CLEC2D: variants seen among roughly 807,000 people sequenced by gnomAD.
CLEC2D encodes C-type lectin related f.
Under a neutral mutation model 20.0 loss-of-function variants are expected in CLEC2D, and 16 were observed. The ratio of observed to expected loss-of-function variants is 0.80; its 90% CI spans 0.54 to 1.22. The LOEUF (loss-of-function observed/expected upper bound fraction) is 1.22. Ranked by LOEUF, CLEC2D falls within the 50% of genes most tolerant of loss-of-function variation. CLEC2D has a pLI of 0.00. For synonymous variants in CLEC2D, 77 were observed against 71.1 expected (o/e 1.08, Z -0.42); for missense variants, 207 against 221.5 (o/e 0.93, Z 0.42).
rs148376457 is a variant in CLEC2D, at chr12:9,692,124, TTTCG to T, written c.358-685_358-682del. ...TTCTTTCTTTCTTTCTTTCTCTTTC[TTTCG>T]TTCGTTCGTTCGTTCGTTTCTTTTT... On this transcript the variant is annotated intron_variant, in intron 3 of 4. Transcript: ENST00000290855. Among the ~76,000 whole-genome samples the T allele has an allele frequency of 7.4e-3, 1,131 of 152,190 alleles. 9 individuals are homozygous for T. Among genetic ancestry groups the T allele is most frequent in the African/African-American group, 0.024 (1,000 of 41,514 alleles).
intron 3 of CLEC2D, among the ~76,000 whole-genome samples, chr12:9,691,569 A>G (rs1403989670): frequency 6.6e-6 from 1 of 152,222 alleles, no homozygotes; most frequent in Non-Finnish European, 1.5e-5. Context: ...TTTTGCAATT[A>G]CAATGGAATG....
intron 1 of CLEC2D, among the ~76,000 whole-genome samples, chr12:9,674,365 C>A (rs1204788512): frequency 1.3e-5 from 2 of 152,232 alleles, no homozygotes; most frequent in African/African-American, 4.8e-5. Context: ...AGTCTCCCCA[C>A]CCTGTGCAGC....
At chr12:9,680,579 A>G (rs971873694) in intron 1 of CLEC2D, among the ~76,000 whole-genome samples, 1 of 152,192 alleles carries the variant, frequency 6.6e-6, no homozygotes, top group Non-Finnish European at 1.5e-5. Context: ...TCATTTAAAA[A>G]TATTTCTTTA....
intron 3 of CLEC2D, among the ~76,000 whole-genome samples, chr12:9,691,491 T>TTAAAAA (rs71045287): frequency 0.06 from 9,198 of 152,266 alleles, 316 homozygotes; most frequent in Non-Finnish European, 0.084. Context: ...TGGAACATTC[T>TTAAAAA]TAAACCATAT....
chr12:9,699,025 T>C lies in CLEC2D; in HGVS notation c.*4151T>C, dbSNP rs1294127006. ...AATGAAGTCTCTTAACCCACCTGGA[T>C]AGATTTTTCTCACAAACCATTGTCT... On this transcript the variant is annotated 3_prime_UTR_variant, in exon 5 of 5. Coordinates refer to ENST00000290855, the MANE Select transcript of CLEC2D (RefSeq NM_013269.6). 4.6e-5 allele frequency: 7 copies of C among 152,192 alleles called. No homozygotes were observed. Among genetic ancestry groups the C allele is most frequent in the Non-Finnish European group, 8.8e-5 (6 of 68,040 alleles). The allele number at this position is 152,192 out of a possible 1,614,324, so 9.4% of individuals were successfully genotyped here.
At position 9,696,013 on chromosome 12, in the gene CLEC2D, A is replaced by G; in HGVS notation, c.*1139A>G. 1 of 1,453,834 alleles carries G rather than the reference A, an allele frequency of 6.9e-7. No individual in the cohort carries two copies. The highest frequency in any genetic ancestry group is 1.1e-5 in the South Asian group (1 of 88,142). The allele number at this position is 1,453,834 out of a possible 1,614,324, so 90.1% of individuals were successfully genotyped here. On this transcript the variant is annotated 3_prime_UTR_variant, in exon 5 of 5. Transcript: ENST00000290855. Reference sequence around the variant, plus strand: ...AAAACCATCATCAACACCAAGATCAAAAGGACAAGAATCCTTCAAAAAACA... The same window carrying G: ...AAAACCATCATCAACACCAAGATCAGAAGGACAAGAATCCTTCAAAAAACA...
intron 2 of CLEC2D, among the ~76,000 whole-genome samples, chr12:9,685,687 T>G (rs989968682): frequency 2.0e-5 from 3 of 152,066 alleles, no homozygotes; most frequent in African/African-American, 4.8e-5. Context: ...GCCTCAGTAA[T>G]GGCGGATGCA....
In CLEC2D at chr12:9,694,894, A is replaced by G. The variant is rs1200033409; in HGVS notation, c.*20A>G. The G allele has an allele frequency of 9.2e-6, 12 of 1,302,534 alleles. No individual in the cohort carries two copies. Among genetic ancestry groups the G allele is most frequent in the Admixed American group, 8.4e-5 (5 of 59,262 alleles). 80.7% of individuals were successfully genotyped at this position (1,302,534 alleles called of 1,614,324 possible). A position where few individuals can be genotyped will look rare whatever the true frequency, so the allele number is the denominator to read the frequency against. On this transcript the variant is annotated 3_prime_UTR_variant, in exon 5 of 5. Coordinates refer to ENST00000290855, the MANE Select transcript of CLEC2D (RefSeq NM_013269.6). ...GTCTAGATGTTACAGCAAAGCCCCA[A>G]CTAATCTTTAGAAGCATATTGGAAC...
rs138076848 is a variant in CLEC2D, at chr12:9,673,052, A to G, written c.61+3257A>G. On this transcript the variant is annotated intron_variant, in intron 1 of 4. Coordinates refer to ENST00000290855, the MANE Select transcript of CLEC2D (RefSeq NM_013269.6). ...AAATTCGTTATTACCAACTTTCTGA[A>G]GCCTACTTCTGTCAGTTTATCCATC... 3.1e-3 allele frequency among the ~76,000 whole-genome samples: 467 copies of G among 152,276 alleles called. 2 individuals carry two copies. Among genetic ancestry groups the G allele is most frequent in the African/African-American group, 0.011 (438 of 41,540 alleles).
intron 1 of CLEC2D, among the ~76,000 whole-genome samples, chr12:9,678,963 T>C (rs1865578283): frequency 6.6e-6 from 1 of 152,226 alleles, no homozygotes. Context: ...TACCCTAGTG[T>C]TTGCAATATA....
chr12:9,676,190 G>T (rs945541951), intron 1 of CLEC2D, among the ~76,000 whole-genome samples: 3 of 152,152 alleles, frequency 2.0e-5, no homozygotes, highest in Non-Finnish European at 4.4e-5. Context: ...ATGTTGTAAA[G>T]TATTGGCGAG....
In CLEC2D at chr12:9,694,851, T is replaced by A; in HGVS notation, c.553T>A (p.Ser185Thr). ...RHYTERKWIC[S>T]KSDIHV ...CTACACAGAGAGGAAGTGGATTTGT[T>A]CCAAATCAGATATACATGTCTAGAT... The change falls in exon 5 of 5, where the codon TCC becomes ACC. Residue 185 changes from serine (S) to threonine (T), a missense_variant. Transcript: ENST00000290855. 2 of 1,604,070 alleles carry A rather than the reference T, an allele frequency of 1.2e-6. No homozygotes were observed. Among genetic ancestry groups the A allele is most frequent in the Non-Finnish European group, 1.7e-6 (2 of 1,171,110 alleles).
Position 9,678,782 on chromosome 12 carries a change from C to G in CLEC2D, c.62-2141C>G, listed in dbSNP as rs779105337. The stretch of plus-strand genomic sequence containing the variant: ...TCTTGAACTTCTGGCCTCAAATGAT[C>G]CTCCTGCCTCAGTGTCTCAAAGGGT... On this transcript the variant is annotated intron_variant, in intron 1 of 4. Coordinates refer to ENST00000290855, the MANE Select transcript of CLEC2D (RefSeq NM_013269.6). 3.9e-5 allele frequency among the ~76,000 whole-genome samples: 6 copies of G among 152,302 alleles called. No individual in the cohort carries two copies. In the East Asian group the frequency reaches 1.2e-3, roughly 29 times the overall value.
At chr12:9,684,935 A>G (rs775700901) in intron 2 of CLEC2D, among the ~76,000 whole-genome samples, 1 of 152,136 alleles carries the variant, frequency 6.6e-6, no homozygotes, top group Admixed American at 6.5e-5. Flanking sequence ...TATTGTTTGG[A>G]ATAATTTCAG....
chr12:9,686,953 A>T (rs1004760460), intron 2 of CLEC2D, among the ~76,000 whole-genome samples: 3 of 152,216 alleles, frequency 2.0e-5, no homozygotes, highest in Non-Finnish European at 4.4e-5. Flanking sequence ...CCTTATTCAC[A>T]TAAGGCATCT....
intron 4 of CLEC2D, 24 bp from the exon 5 acceptor site, chr12:9,694,736 C>CTGA: frequency 7.6e-7 from 1 of 1,314,960 alleles, no homozygotes; most frequent in Middle Eastern, 1.8e-4. Context: ...CAGTGGCCAA[C>CTGA]TGATTCTGCT....
chr12:9,688,184 A>G (rs1310591092), intron 3 of CLEC2D, 98 bp downstream of exon 3: 1 of 1,127,278 alleles, frequency 8.9e-7, no homozygotes, highest in East Asian at 3.5e-5. Context: ...ATCTGCTTTT[A>G]CATTGATTTT....
rs774839425 is a variant in CLEC2D at position 9,698,961 on chromosome 12, A to G, written c.*4087A>G. On this transcript the variant is annotated 3_prime_UTR_variant, in exon 5 of 5. Coordinates refer to ENST00000290855, the MANE Select transcript of CLEC2D (RefSeq NM_013269.6). ...AAAACAGTTAATTCTGGTGCCTTCC[A>G]TGGGTTTTCATTAACTGAAGTCATA... is the stretch of plus-strand genomic sequence containing the variant. 3.3e-5 allele frequency: 5 copies of G among 152,192 alleles called. No homozygotes were observed. The highest frequency in any genetic ancestry group is 9.7e-5 in the African/African-American group (4 of 41,432). 9.4% of individuals were successfully genotyped at this position (152,192 alleles called of 1,614,324 possible). A position where few individuals can be genotyped will look rare whatever the true frequency, so the allele number is the denominator to read the frequency against.
At position 9,695,843 on chromosome 12, in the gene CLEC2D, TTGCTGC is replaced by T; in HGVS notation, c.*978_*983del. The T allele has an allele frequency of 2.3e-6, 2 of 873,240 alleles. No individual in the cohort carries two copies. Among genetic ancestry groups the T allele is most frequent in the Non-Finnish European group, 3.7e-6 (2 of 536,494 alleles). 54.1% of individuals were successfully genotyped at this position (873,240 alleles called of 1,614,324 possible). ...GGAGGTGGGCAGAAAAAAGTAAAAC[TTGCTGC>T]TGCTGCTGATGATGATGATGATGAA... On this transcript the variant is annotated 3_prime_UTR_variant, in exon 5 of 5. Transcript: ENST00000290855.
Sources: gnomAD v4.1 joint callset for allele counts (sites outside exome capture counted in the v4.1 genomes callset) on GRCh38, gnomAD v4.1.1 for gene constraint, MANE v1.5 for transcripts, NCBI Gene and HGNC (gene_info 2026-07-23, HGNC 2026-07-21) for gene names.